The following SH3PXD2B variants were observed in gnomAD, a reference collection of about 807,000 sequenced individuals.
SH3PXD2B encodes SH3 and PX domain-containing protein 2B.
Under a neutral mutation model 73.1 loss-of-function variants are expected in SH3PXD2B, and 37 were observed. That is an observed-to-expected ratio of 0.51 (90% CI 0.39 to 0.67). The LOEUF is 0.67. Ranked by LOEUF, SH3PXD2B falls within the 30% of genes least tolerant of loss-of-function variation. The pLI is 0.00. For missense variants in SH3PXD2B, 1,053 were observed against 1,197.8 expected (o/e 0.88, Z 1.78); for synonymous variants, 457 against 480.5 (o/e 0.95, Z 0.64).
In SH3PXD2B at chr5:172,421,921, C is replaced by G. The variant is rs1236074438; in HGVS notation, c.156+495G>C. ...CTGGAGCAGTTAACAGGCACCCTTTCTCTTATGGAGGAAATATGAAATATC... is the reference window on the plus strand; with the variant it reads ...CTGGAGCAGTTAACAGGCACCCTTTGTCTTATGGAGGAAATATGAAATATC... On this transcript the variant is annotated intron_variant, in intron 2 of 12. Coordinates refer to ENST00000311601, the MANE Select transcript of SH3PXD2B (RefSeq NM_001017995.3). The surrounding 1 kb of genome is among the most constrained non-coding windows in gnomAD (Gnocchi z 4.0). Among the ~76,000 whole-genome samples, 1 of 152,216 alleles carries G rather than the reference C, an allele frequency of 6.6e-6. No individual in the cohort carries two copies. Among genetic ancestry groups the G allele is most frequent in the African/African-American group, 2.4e-5 (1 of 41,452 alleles).
chr5:172,450,501 T>C (rs1462931914), intron 1 of SH3PXD2B, among the ~76,000 whole-genome samples: 1 of 152,188 alleles, frequency 6.6e-6, no homozygotes, highest in African/African-American at 2.4e-5. Flanking sequence ...TGTATTACTA[T>C]ATTGAAAATA....
chr5:172,397,509 T>TG (rs1387490183), intron 3 of SH3PXD2B, among the ~76,000 whole-genome samples: 2 of 152,214 alleles, frequency 1.3e-5, no homozygotes, highest in East Asian at 1.9e-4. Context: ...TTTTGCAGCT[T>TG]GGGGGGCATC....
chr5:172,367,777 C>T (rs1477379704), intron 6 of SH3PXD2B, among the ~76,000 whole-genome samples: 1 of 152,136 alleles, frequency 6.6e-6, no homozygotes, highest in Non-Finnish European at 1.5e-5. Flanking sequence ...ACTGGCTCTG[C>T]ATCACCCTTT....
At chr5:172,348,707 CTATT>C (rs5873318) in intron 10 of SH3PXD2B, among the ~76,000 whole-genome samples, 7,565 of 37,806 alleles carry the variant, frequency 0.2, 300 homozygotes, top group South Asian at 0.32. Context: ...ATCTATCTAT[CTATT>C]TATTTATTTT....
downstream of SH3PXD2B, among the ~76,000 whole-genome samples, chr5:172,331,701 C>T (rs1756559651): frequency 6.6e-6 from 1 of 152,180 alleles, no homozygotes; most frequent in Admixed American, 6.5e-5. Flanking sequence ...CCTGTAATCC[C>T]AGCACTTTGG....
In SH3PXD2B at chr5:172,339,927, G is replaced by A. The variant is rs1756815562; in HGVS notation, c.1189-11C>T. On this transcript the variant is annotated splice_polypyrimidine_tract_variant and intron_variant, in intron 12 of 12. Coordinates refer to ENST00000311601, the MANE Select transcript of SH3PXD2B (RefSeq NM_001017995.3). The surrounding 1 kb of genome is among the most constrained non-coding windows in gnomAD (Gnocchi z 6.1). ...GTTTTTCTCGATCACCTGCAAGGGA[G>A]GATAGAGAAAGGCACTTGGCTACGA... 2 of 1,614,224 alleles carry A rather than the reference G, an allele frequency of 1.2e-6. No individual in the cohort carries two copies. Among genetic ancestry groups the A allele is most frequent in the South Asian group, 1.1e-5 (1 of 91,070 alleles).
chr5:172,423,324 C>T (rs1345472867), intron 1 of SH3PXD2B, among the ~76,000 whole-genome samples: 6 of 152,128 alleles, frequency 3.9e-5, no homozygotes, highest in Non-Finnish European at 7.3e-5. Flanking sequence ...GTAGTTGTGA[C>T]AATTAAAATA....
rs779290254 is a variant in SH3PXD2B, at chr5:172,339,735, T to G, written c.1370A>C (p.Asn457Thr). 6.2e-6 allele frequency: 10 copies of G among 1,614,072 alleles called. No individual in the cohort carries two copies. Among genetic ancestry groups the G allele is most frequent in the Admixed American group, 1.7e-5 (1 of 60,032 alleles). ...LRLGEAAALENNTGSEATGPS... is the reference protein window; with the variant it reads ...LRLGEAAALETNTGSEATGPS... The stretch of plus-strand genomic sequence containing the variant: ...GCCCGTGGCTTCGCTGCCCGTGTTG[T>G]TCTCCAGCGCTGCTGCTTCCCCCAG... The change falls in exon 13 of 13, where the codon AAC (asparagine) becomes ACC (threonine). Residue 457 changes from asparagine (N) to threonine (T), a missense_variant. Coordinates refer to ENST00000311601, the MANE Select transcript of SH3PXD2B (RefSeq NM_001017995.3). The surrounding 1 kb of genome is among the most constrained non-coding windows in gnomAD (Gnocchi z 6.1).
intron 8 of SH3PXD2B, among the ~76,000 whole-genome samples, chr5:172,355,251 T>C (rs1216854730): frequency 6.6e-6 from 1 of 152,226 alleles, no homozygotes; most frequent in East Asian, 1.9e-4. Flanking sequence ...ACAGGGCGTT[T>C]ATTTATTTAT....
chr5:172,349,463 A>G, intron 10 of SH3PXD2B, among the ~76,000 whole-genome samples: 1 of 152,214 alleles, frequency 6.6e-6, no homozygotes, highest in Admixed American at 6.5e-5. Flanking sequence ...GTGTGTTGGG[A>G]ACATTAAATG....
At chr5:172,409,016 A>G (rs1239389392) in intron 2 of SH3PXD2B, among the ~76,000 whole-genome samples, 1 of 152,146 alleles carries the variant, frequency 6.6e-6, no homozygotes, top group Non-Finnish European at 1.5e-5. Context: ...GAAATATTCA[A>G]TGTTTTCTTT....
At chr5:172,369,931 C>T (rs1757665008) in intron 6 of SH3PXD2B, among the ~76,000 whole-genome samples, 1 of 151,948 alleles carries the variant, frequency 6.6e-6, no homozygotes. Context: ...CACCTGGGGA[C>T]CCAGAGCACT....
At chr5:172,346,344 G>A (rs1404894868) in intron 11 of SH3PXD2B, 83 bp from the exon 12 acceptor site, 2 of 1,599,848 alleles carry the variant, frequency 1.3e-6, no homozygotes, top group African/African-American at 2.7e-5. Flanking sequence ...AGGGCCTGGG[G>A]CATGCAATCA....
intron 8 of SH3PXD2B, among the ~76,000 whole-genome samples, chr5:172,354,430 T>A (rs1310877619): frequency 6.6e-6 from 1 of 152,238 alleles, no homozygotes; most frequent in East Asian, 1.9e-4. Flanking sequence ...TGCTGGAATA[T>A]GAGCTCCAGG....
rs1428981238 is a variant in SH3PXD2B, at chr5:172,428,356, A to C, written c.76-5860T>G. Among the ~76,000 whole-genome samples the C allele has an allele frequency of 3.3e-5, 5 of 152,370 alleles. No homozygotes were observed. The East Asian group carries it at 9.6e-4, about 29-fold the overall frequency. On this transcript the variant is annotated intron_variant, in intron 1 of 12. Coordinates refer to ENST00000311601, the MANE Select transcript of SH3PXD2B (RefSeq NM_001017995.3). ...TATGGTCACTGCCACTAACGAGGCAAAGTGAAACCAGGAGGAGATGCCACT... is the reference window on the plus strand; with the variant it reads ...TATGGTCACTGCCACTAACGAGGCACAGTGAAACCAGGAGGAGATGCCACT...
At chr5:172,449,698 A>G (rs74710672) in intron 1 of SH3PXD2B, among the ~76,000 whole-genome samples, 1,648 of 152,330 alleles carry the variant, frequency 0.011, 32 homozygotes, top group African/African-American at 0.038. Flanking sequence ...ATTGGCAAAG[A>G]CTGAAAAGTC....
chr5:172,403,861 AT>A (rs1425360974), intron 3 of SH3PXD2B, among the ~76,000 whole-genome samples: 3 of 152,230 alleles, frequency 2.0e-5, no homozygotes, highest in Admixed American at 6.5e-5. Context: ...TTTACCAATA[AT>A]CTACTATGTG....
chr5:172,430,293 C>T (rs1471075849), intron 1 of SH3PXD2B, among the ~76,000 whole-genome samples: 1 of 152,238 alleles, frequency 6.6e-6, no homozygotes, highest in Non-Finnish European at 1.5e-5. Flanking sequence ...CTCTCCAGCC[C>T]ACACCCATCT....
intron 6 of SH3PXD2B, among the ~76,000 whole-genome samples, chr5:172,369,401 T>C (rs1757652221): frequency 6.6e-6 from 1 of 152,154 alleles, no homozygotes; most frequent in Admixed American, 6.6e-5. Context: ...AGAAAGTTTG[T>C]CAACCCCTGG....
Sources: allele counts gnomAD v4.1 joint callset (sites outside exome capture counted in the v4.1 genomes callset), GRCh38; gene constraint gnomAD v4.1.1; non-coding constraint Gnocchi (gnomAD v3.1); transcripts MANE v1.5; gene names NCBI Gene and HGNC (gene_info 2026-07-23, HGNC 2026-07-21).